The following PCNX1 variants were observed in gnomAD, a reference collection of about 807,000 sequenced individuals.
PCNX1 encodes the protein pecanex-like protein 1.
PCNX1 carries 78 observed loss-of-function variants against 242.2 expected under a neutral mutation model. The observed-to-expected ratio is 0.32, with a 90% CI of 0.27 to 0.39. The LOEUF is 0.39. PCNX1 is among the 10% of genes least tolerant of loss of function. The probability of loss-of-function intolerance (pLI) is 1.00; values close to 1 mark genes in which losing one functional copy is unlikely to be tolerated. For synonymous variants in PCNX1, 1,024 were observed against 1,032.9 expected, an observed-to-expected ratio of 0.99 and a Z score of 0.17; for missense variants, 2,581 against 2,856.5, an observed-to-expected ratio of 0.90 and a Z score of 2.20.
intron 8 of PCNX1, among the ~76,000 whole-genome samples, chr14:71,003,080 C>CTTT (rs3083307): frequency 0.088 from 8,331 of 95,116 alleles, 759 homozygotes; most frequent in Non-Finnish European, 0.1. Context: ...TGGTTGTCTT[C>CTTT]TTTTTTTTTT....
At chr14:71,060,810 A>T (rs1158430572) in intron 26 of PCNX1, 1 of 152,218 alleles carries the variant, frequency 6.6e-6, no homozygotes, top group African/African-American at 2.4e-5. Flanking sequence ...GAAGCATATT[A>T]TACCTCTCAG....
chr14:71,011,396 T>A (rs1426469099), intron 9 of PCNX1, 96 bp from the exon 10 acceptor site: 2 of 751,556 alleles, frequency 2.7e-6, no homozygotes, highest in Non-Finnish European at 4.7e-6. Context: ...GAAGTTAACA[T>A]GGAAAAGTGA....
chr14:71,112,867 T>C lies in PCNX1; in HGVS notation c.*2932T>C, dbSNP rs2062780156. 1 of 152,190 alleles carries C rather than the reference T, an allele frequency of 6.6e-6. No individual in the cohort carries two copies. The highest frequency in any genetic ancestry group is 2.4e-5 in the African/African-American group (1 of 41,468). The allele number at this position is 152,190 out of a possible 1,614,324, so 9.4% of individuals were successfully genotyped here. On this transcript the variant is annotated 3_prime_UTR_variant, in exon 36 of 36. Coordinates refer to ENST00000304743, the MANE Select transcript of PCNX1 (RefSeq NM_014982.3). Reference sequence around the variant, plus strand: ...TGTTTAATTCTTCCGCCACCCCCTCTTTTGAGAGAAAGGTAATCGTGGAAT... The same window carrying C: ...TGTTTAATTCTTCCGCCACCCCCTCCTTTGAGAGAAAGGTAATCGTGGAAT...
rs1240007215 is a variant in PCNX1, at chr14:70,907,721, C to A, written c.-130C>A. The A allele has an allele frequency of 9.0e-7, 1 of 1,107,546 alleles. No homozygotes were observed. The highest frequency in any genetic ancestry group is 1.1e-6 in the Non-Finnish European group (1 of 893,332). 68.6% of individuals were successfully genotyped at this position (1,107,546 alleles called of 1,614,324 possible). On this transcript the variant is annotated 5_prime_UTR_variant, in exon 1 of 36. Transcript: ENST00000304743. The stretch of plus-strand genomic sequence containing the variant: ...GCAGCACCAGCGACCGCCGAAGCGC[C>A]GGCTCGCTCACCCGGAGCTCCGGAG...
At chr14:71,103,755 G>GA (rs2062527105) in intron 32 of PCNX1, 86 bp downstream of exon 32, 4 of 1,308,138 alleles carry the variant, frequency 3.1e-6, no homozygotes, top group East Asian at 2.3e-5. Flanking sequence ...GAAGCTTGTA[G>GA]AAAAAATTAC....
At chr14:70,971,488 G>A (rs2058541596) in intron 5 of PCNX1, among the ~76,000 whole-genome samples, 1 of 152,134 alleles carries the variant, frequency 6.6e-6, no homozygotes, top group Admixed American at 6.5e-5. Flanking sequence ...TTTTCCATAT[G>A]TTTAACATTT....
chr14:70,920,328 A>T (rs1033092582), intron 1 of PCNX1, among the ~76,000 whole-genome samples: 2 of 152,156 alleles, frequency 1.3e-5, no homozygotes, highest in African/African-American at 4.8e-5. Context: ...CTGTTTCAAG[A>T]TCCTTCAGTC....
intron 2 of PCNX1, among the ~76,000 whole-genome samples, chr14:70,959,753 A>G (rs1241162893): frequency 6.7e-5 from 10 of 149,802 alleles, no homozygotes; most frequent in South Asian, 4.3e-4. Context: ...CCAGTAATGG[A>G]ATGGCTGGGT....
intron 27 of PCNX1, among the ~76,000 whole-genome samples, chr14:71,075,470 A>G (rs1566779091): frequency 1.3e-5 from 2 of 152,162 alleles, no homozygotes; most frequent in Non-Finnish European, 2.9e-5. Context: ...TTCTAAATAT[A>G]TATCTCTATA....
chr14:70,918,774 A>G (rs991133275), intron 1 of PCNX1, among the ~76,000 whole-genome samples: 4 of 152,334 alleles, frequency 2.6e-5, no homozygotes, highest in Admixed American at 6.5e-5. Context: ...CTCTGTCAAC[A>G]GTATTGAGAG....
chr14:71,074,100 T>C (rs1272942264), intron 27 of PCNX1, among the ~76,000 whole-genome samples: 2 of 152,318 alleles, frequency 1.3e-5, no homozygotes, highest in East Asian at 3.9e-4. Flanking sequence ...CACGTGTATC[T>C]TACTTAATAC....
rs185586442 is a variant in PCNX1, at chr14:71,039,740, C to T, written c.3867+3583C>T. Among the ~76,000 whole-genome samples, 3 of 152,274 alleles carry T rather than the reference C, an allele frequency of 2.0e-5. No individual in the cohort carries two copies. In the East Asian group the frequency reaches 5.8e-4, roughly 29 times the overall value. On this transcript the variant is annotated intron_variant, in intron 19 of 35. Coordinates refer to ENST00000304743, the MANE Select transcript of PCNX1 (RefSeq NM_014982.3). The stretch of plus-strand genomic sequence containing the variant: ...TATATGCAAAGTGCACATACCCTCT[C>T]CTAAAACCCCGAAAAGTCTCATTCC...
At chr14:71,081,650 C>A (rs927793899) in intron 28 of PCNX1, among the ~76,000 whole-genome samples, 3 of 152,192 alleles carry the variant, frequency 2.0e-5, no homozygotes, top group Admixed American at 2.0e-4. Flanking sequence ...AGTTTATTTG[C>A]GTAGAGGTGT....
intron 16 of PCNX1, among the ~76,000 whole-genome samples, chr14:71,030,431 C>A (rs1034469612): frequency 3.3e-5 from 5 of 152,024 alleles, no homozygotes; most frequent in Non-Finnish European, 7.4e-5. Flanking sequence ...TTAAACCATC[C>A]GAGAGCTGCA....
rs570487603 is a variant in PCNX1, at chr14:71,054,690, G to A, written c.4578-814G>A. ...AGTTCAGCTCGGAGTTCAAGCAGTT[G>A]CACAAATACTTGCCCTCATGACAGC... On this transcript the variant is annotated intron_variant, in intron 24 of 35. Coordinates refer to ENST00000304743, the MANE Select transcript of PCNX1 (RefSeq NM_014982.3). 1.1e-4 allele frequency among the ~76,000 whole-genome samples: 17 copies of A among 152,282 alleles called. No homozygotes were observed. The East Asian group carries it at 3.3e-3, about 29-fold the overall frequency.
intron 19 of PCNX1, among the ~76,000 whole-genome samples, chr14:71,039,043 A>G (rs1030790594): frequency 4.6e-5 from 7 of 151,450 alleles, no homozygotes; most frequent in African/African-American, 1.2e-4. Flanking sequence ...GGACACAGGA[A>G]GGGGAACATC....
At chr14:70,961,285 C>T (rs2058202345) in intron 2 of PCNX1, among the ~76,000 whole-genome samples, 1 of 152,120 alleles carries the variant, frequency 6.6e-6, no homozygotes, top group Admixed American at 6.6e-5. Context: ...GCTACAGTAA[C>T]CAAAACAGCA....
chr14:71,027,959 A>C (rs1057411521), intron 15 of PCNX1, among the ~76,000 whole-genome samples: 1 of 151,852 alleles, frequency 6.6e-6, no homozygotes, highest in African/African-American at 2.4e-5. Flanking sequence ...AAACTTATGC[A>C]AGGTATTAGG....
intron 1 of PCNX1, among the ~76,000 whole-genome samples, chr14:70,916,219 A>C (rs780527527): frequency 2.6e-5 from 4 of 152,202 alleles, no homozygotes; most frequent in South Asian, 2.1e-4. Flanking sequence ...AGATTGGAGA[A>C]CATGAATTCA....
Sources: allele counts gnomAD v4.1 joint callset (sites outside exome capture counted in the v4.1 genomes callset), GRCh38; gene constraint gnomAD v4.1.1; transcripts MANE v1.5; gene names NCBI Gene and HGNC (gene_info 2026-07-23, HGNC 2026-07-21).